Variants in LRRTM3 observed in about 807,000 individuals in gnomAD.
The protein encoded by LRRTM3 is leucine-rich repeat transmembrane neuronal protein 3.
Under a neutral mutation model 44.7 loss-of-function variants are expected in LRRTM3, and 24 were observed. The observed-to-expected ratio is 0.54, with a 90% CI of 0.39 to 0.76. The LOEUF (loss-of-function observed/expected upper bound fraction) is 0.76, where lower values mean the gene tolerates loss of function less well. LRRTM3 is among the 30% of genes least tolerant of loss of function. LRRTM3 has a pLI of 0.00. For missense variants in LRRTM3, 587 were observed against 702.2 expected, an observed-to-expected ratio of 0.84 and a Z score of 1.85; for synonymous variants, 277 against 278.7, an observed-to-expected ratio of 0.99 and a Z score of 0.06.
rs1190847972 is a variant in LRRTM3 at position 67,099,755 on chromosome 10, T to C, written c.*1959T>C. On this transcript the variant is annotated 3_prime_UTR_variant, in exon 3 of 3. Transcript: ENST00000361320. Reference sequence around the variant, plus strand: ...GCATCCCAGATTTTGTAACATATTTTGCATAAATTATTTGCTCTTCAAAAA... The same window carrying C: ...GCATCCCAGATTTTGTAACATATTTCGCATAAATTATTTGCTCTTCAAAAA... The C allele has an allele frequency of 1.3e-5, 2 of 152,238 alleles. No homozygotes were observed. Among genetic ancestry groups the C allele is most frequent in the Admixed American group, 1.3e-4 (2 of 15,182 alleles). 9.4% of individuals were successfully genotyped at this position (152,238 alleles called of 1,614,324 possible). A position where few individuals can be genotyped will look rare whatever the true frequency, so the allele number is the denominator to read the frequency against.
chr10:66,938,147 C>G (rs1474498786), intron 2 of LRRTM3, among the ~76,000 whole-genome samples: 1 of 152,110 alleles, frequency 6.6e-6, no homozygotes, highest in Non-Finnish European at 1.5e-5. Context: ...CCTTATATTT[C>G]TTTGTGTAGT....
chr10:67,078,710 G>GA (rs1404011882), intron 2 of LRRTM3, among the ~76,000 whole-genome samples: 5 of 151,994 alleles, frequency 3.3e-5, no homozygotes, highest in Admixed American at 2.0e-4. Context: ...TAGACATGGG[G>GA]TTTCACCATG....
At chr10:67,006,028 C>CT (rs1851966241) in intron 2 of LRRTM3, among the ~76,000 whole-genome samples, 1 of 151,882 alleles carries the variant, frequency 6.6e-6, no homozygotes, top group South Asian at 2.1e-4. Flanking sequence ...AATTATTCAG[C>CT]ATCTTATCTC....
At chr10:67,001,475 G>T (rs1851689074) in intron 2 of LRRTM3, among the ~76,000 whole-genome samples, 2 of 151,784 alleles carry the variant, frequency 1.3e-5, no homozygotes, top group South Asian at 4.2e-4. Flanking sequence ...ATGGGGAAAT[G>T]GGAATGGGGG....
intron 2 of LRRTM3, among the ~76,000 whole-genome samples, chr10:66,954,918 G>A (rs993877283): frequency 2.0e-5 from 3 of 152,090 alleles, no homozygotes; most frequent in Non-Finnish European, 1.5e-5. Context: ...GTAATTTTGT[G>A]CAGTTTTCTC....
At chr10:66,956,380 T>A (rs1253369031) in intron 2 of LRRTM3, among the ~76,000 whole-genome samples, 1 of 152,038 alleles carries the variant, frequency 6.6e-6, no homozygotes, top group Non-Finnish European at 1.5e-5. Flanking sequence ...TGAGTAGGCA[T>A]TGCTTGCTAT....
At chr10:66,970,939 A>G (rs573832300) in intron 2 of LRRTM3, among the ~76,000 whole-genome samples, 1 of 152,312 alleles carries the variant, frequency 6.6e-6, no homozygotes, top group African/African-American at 2.4e-5. Context: ...TGAAATAGAA[A>G]GAAGTTATCT....
intron 2 of LRRTM3, among the ~76,000 whole-genome samples, chr10:67,057,954 C>T (rs1855538609): frequency 6.6e-6 from 1 of 152,042 alleles, no homozygotes; most frequent in Non-Finnish European, 1.5e-5. Context: ...GAAGTGATTT[C>T]CTATAATTCC....
At chr10:67,058,680 G>T (rs1855581927) in intron 2 of LRRTM3, among the ~76,000 whole-genome samples, 1 of 152,062 alleles carries the variant, frequency 6.6e-6, no homozygotes, top group African/African-American at 2.4e-5. Flanking sequence ...GTAGAAACAT[G>T]AAGGATAACC....
chr10:67,044,033 A>G (rs1854573190), intron 2 of LRRTM3, among the ~76,000 whole-genome samples: 1 of 151,850 alleles, frequency 6.6e-6, no homozygotes, highest in African/African-American at 2.4e-5. Flanking sequence ...GACACAAATG[A>G]TCCCATCACC....
At chr10:66,940,458 A>G (rs962450309) in intron 2 of LRRTM3, among the ~76,000 whole-genome samples, 6 of 152,208 alleles carry the variant, frequency 3.9e-5, no homozygotes, top group African/African-American at 1.4e-4. Flanking sequence ...TGAGCAACAG[A>G]GCAAGATCAT....
chr10:67,082,255 T>G (rs1443005588), intron 2 of LRRTM3, among the ~76,000 whole-genome samples: 3 of 152,192 alleles, frequency 2.0e-5, no homozygotes, highest in African/African-American at 7.2e-5. Context: ...TATTAGTTGG[T>G]TTTAACCGCT....
In LRRTM3 at chr10:67,017,256, G is replaced by T. The variant is rs115933817; in HGVS notation, c.1537-80331G>T. On this transcript the variant is annotated intron_variant, in intron 2 of 2. Transcript: ENST00000361320. ...TAGATCTAAAAACATTACTGAAATT[G>T]CCAACTTCAAATAAACTAGGCCAAG... Among the ~76,000 whole-genome samples the T allele has an allele frequency of 2.8e-3, 431 of 152,212 alleles. 1 individual carries two copies. The highest frequency in any genetic ancestry group is 9.9e-3 in the African/African-American group (411 of 41,536).
In LRRTM3 at chr10:67,101,182, C is replaced by T. The variant is rs982586414; in HGVS notation, c.*3386C>T. 4.6e-5 allele frequency among the ~76,000 whole-genome samples: 7 copies of T among 151,574 alleles called. No homozygotes were observed. In the South Asian group the frequency reaches 1.2e-3, roughly 27 times the overall value. On this transcript the variant is annotated 3_prime_UTR_variant, in exon 3 of 3. Coordinates refer to ENST00000361320, the MANE Select transcript of LRRTM3 (RefSeq NM_178011.5). ...CCAAGATGTGGATGCATGTAGGCCC[C>T]GAGGTACAGACATAAAATCAAGGAA...
rs913236653 is a variant in LRRTM3, at chr10:67,100,372, C to G, written c.*2576C>G. 6.6e-6 allele frequency among the ~76,000 whole-genome samples: 1 copy of G among 151,794 alleles called. No individual in the cohort carries two copies. Among genetic ancestry groups the G allele is most frequent in the East Asian group, 1.9e-4 (1 of 5,154 alleles). On this transcript the variant is annotated 3_prime_UTR_variant, in exon 3 of 3. Transcript: ENST00000361320. ...AGGGTCTTTAGCAAGAAAAAAAATG[C>G]TGGATGATGATTATTATTATTTTTG...
intron 2 of LRRTM3, among the ~76,000 whole-genome samples, chr10:67,029,794 C>A (rs1002529486): frequency 6.6e-6 from 1 of 152,164 alleles, no homozygotes; most frequent in South Asian, 2.1e-4. Context: ...TAGCCACTAA[C>A]CTCATGTACC....
intron 2 of LRRTM3, among the ~76,000 whole-genome samples, chr10:67,035,741 G>C (rs570570069): frequency 6.6e-6 from 1 of 152,050 alleles, no homozygotes; most frequent in Non-Finnish European, 1.5e-5. Context: ...TCACAGAAAT[G>C]CTTTCACTGT....
chr10:67,039,701 A>G (rs929466983), intron 2 of LRRTM3, among the ~76,000 whole-genome samples: 97 of 152,292 alleles, frequency 6.4e-4, no homozygotes, highest in Non-Finnish European at 9.6e-4. Context: ...TAAGTAAATC[A>G]GGATTAAGAA....
In LRRTM3 at chr10:66,963,855, T is replaced by A. The variant is rs1294875906; in HGVS notation, c.1536+35403T>A. On this transcript the variant is annotated intron_variant, in intron 2 of 2. Coordinates refer to ENST00000361320, the MANE Select transcript of LRRTM3 (RefSeq NM_178011.5). The stretch of plus-strand genomic sequence containing the variant: ...AGTGCATAGACATCAATTTTTTTTT[T>A]TTTTTTAAGATGGAGTCTTGCTCTG... Among the ~76,000 whole-genome samples the A allele has an allele frequency of 5.9e-5, 9 of 151,902 alleles. 2 individuals are homozygous for A. Among genetic ancestry groups the A allele is most frequent in the Admixed American group, 5.9e-4 (9 of 15,244 alleles).
Sources: allele counts gnomAD v4.1 joint callset (sites outside exome capture counted in the v4.1 genomes callset), GRCh38; gene constraint gnomAD v4.1.1; transcripts MANE v1.5; gene names NCBI Gene and HGNC (gene_info 2026-07-23, HGNC 2026-07-21).